Variants in NKAIN2 observed in about 807,000 individuals in gnomAD.
NKAIN2 encodes sodium/potassium-transporting ATPase subunit beta-1-interacting protein 2.
Under a neutral mutation model 32.6 loss-of-function variants are expected in NKAIN2, and 14 were observed. That is an observed-to-expected ratio of 0.43 (90% confidence interval 0.28 to 0.67). The LOEUF (loss-of-function observed/expected upper bound fraction) is 0.67, where lower values mean the gene tolerates loss of function less well. Ranked by LOEUF, NKAIN2 falls within the 30% of genes least tolerant of loss-of-function variation. The probability of loss-of-function intolerance (pLI) is 0.17; values close to 1 mark genes in which losing one functional copy is unlikely to be tolerated. For synonymous variants in NKAIN2, 80 were observed against 87.2 expected (o/e 0.92, Z 0.46); for missense variants, 198 against 258.3 (o/e 0.77, Z 1.60).
intron 5 of NKAIN2, among the ~76,000 whole-genome samples, chr6:124,805,576 G>T (rs1346739845): frequency 6.6e-6 from 1 of 152,182 alleles, no homozygotes; most frequent in Non-Finnish European, 1.5e-5. Context: ...ACTCTAAAAA[G>T]CAGAGCATCT....
At chr6:124,098,799 A>G (rs1490714149) in intron 1 of NKAIN2, among the ~76,000 whole-genome samples, 1 of 151,866 alleles carries the variant, frequency 6.6e-6, no homozygotes, top group African/African-American at 2.4e-5. Flanking sequence ...GAATCCAGGA[A>G]GTGGAGGTTG....
chr6:124,506,935 C>T (rs527360601), intron 3 of NKAIN2, among the ~76,000 whole-genome samples: 16 of 152,152 alleles, frequency 1.1e-4, no homozygotes, highest in South Asian at 6.2e-4. Flanking sequence ...GAATCTCAGG[C>T]CCTGTGGCAA....
At chr6:123,852,796 T>G (rs1775405058) in intron 1 of NKAIN2, among the ~76,000 whole-genome samples, 1 of 152,196 alleles carries the variant, frequency 6.6e-6, no homozygotes, top group African/African-American at 2.4e-5. Flanking sequence ...AATCAAATTC[T>G]TCTTATCCCT....
At chr6:123,970,898 A>G (rs976289383) in intron 1 of NKAIN2, among the ~76,000 whole-genome samples, 14 of 152,114 alleles carry the variant, frequency 9.2e-5, no homozygotes, top group African/African-American at 3.4e-4. Context: ...AAAAAGAAAA[A>G]AAGAAATATT....
At chr6:124,649,588 A>T (rs1784293890) in intron 3 of NKAIN2, among the ~76,000 whole-genome samples, 1 of 152,214 alleles carries the variant, frequency 6.6e-6, no homozygotes, top group African/African-American at 2.4e-5. Context: ...ATAGAAGCAG[A>T]GACACTAACT....
intron 4 of NKAIN2, among the ~76,000 whole-genome samples, chr6:124,712,724 A>G (rs1314735882): frequency 6.6e-6 from 1 of 151,592 alleles, no homozygotes; most frequent in Admixed American, 6.6e-5. Flanking sequence ...AGTGAGATGA[A>G]CCTGGTACCT....
chr6:123,832,762 T>C (rs768368166), intron 1 of NKAIN2, among the ~76,000 whole-genome samples: 40 of 152,356 alleles, frequency 2.6e-4, no homozygotes, highest in Non-Finnish European at 5.4e-4. Context: ...ATTTGACATC[T>C]GTATATTTTC....
chr6:124,056,685 C>T (rs1484529446), intron 1 of NKAIN2, among the ~76,000 whole-genome samples: 1 of 152,012 alleles, frequency 6.6e-6, no homozygotes, highest in Admixed American at 6.6e-5. Context: ...CAATGGTGCT[C>T]TCTGATATGG....
chr6:124,745,273 T>A (rs1159250426), intron 4 of NKAIN2, among the ~76,000 whole-genome samples: 1 of 151,854 alleles, frequency 6.6e-6, no homozygotes, highest in Non-Finnish European at 1.5e-5. Context: ...CAAAAAGGCT[T>A]TAAAAATGAA....
chr6:124,386,283 T>G (rs1772896159), intron 3 of NKAIN2, among the ~76,000 whole-genome samples: 6 of 152,124 alleles, frequency 3.9e-5, no homozygotes. Flanking sequence ...CTCAAAACAC[T>G]CTTATAATAA....
rs188578453 is a variant in NKAIN2 at position 124,522,873 on chromosome 6, G to T, written c.274-135313G>T. Among the ~76,000 whole-genome samples, 287 of 152,092 alleles carry T rather than the reference G, an allele frequency of 1.9e-3. 2 individuals carry two copies. Among genetic ancestry groups the T allele is most frequent in the African/African-American group, 6.8e-3 (282 of 41,518 alleles). On this transcript the variant is annotated intron_variant, in intron 3 of 6. Coordinates refer to ENST00000368417, the MANE Select transcript of NKAIN2 (RefSeq NM_001040214.3). The stretch of plus-strand genomic sequence containing the variant: ...AAAAAAAGATCTTTGGCCGGGCGCG[G>T]TGGCTCACGCCTGTAATCCCAGCAC...
intron 4 of NKAIN2, among the ~76,000 whole-genome samples, chr6:124,686,032 C>T (rs1041858539): frequency 2.1e-4 from 32 of 152,112 alleles, no homozygotes; most frequent in African/African-American, 2.7e-4. Flanking sequence ...TCCAAGCTCA[C>T]TGAGATTGTT....
At chr6:124,105,465 T>C (rs1180576676) in intron 1 of NKAIN2, among the ~76,000 whole-genome samples, 1 of 152,098 alleles carries the variant, frequency 6.6e-6, no homozygotes, top group Non-Finnish European at 1.5e-5. Context: ...TTCTCTGGCA[T>C]TGTGTCTGGG....
At chr6:124,722,263 A>C (rs1776059843) in intron 4 of NKAIN2, among the ~76,000 whole-genome samples, 1 of 152,222 alleles carries the variant, frequency 6.6e-6, no homozygotes, top group African/African-American at 2.4e-5. Context: ...ATTGTGAATA[A>C]TGCTTCTATG....
At chr6:124,014,549 A>T (rs1780480461) in intron 1 of NKAIN2, among the ~76,000 whole-genome samples, 1 of 152,054 alleles carries the variant, frequency 6.6e-6, no homozygotes, top group African/African-American at 2.4e-5. Context: ...TATTATAAAA[A>T]TATCTAAACT....
intron 3 of NKAIN2, among the ~76,000 whole-genome samples, chr6:124,522,263 T>C (rs1004893217): frequency 6.6e-6 from 1 of 152,242 alleles, no homozygotes; most frequent in Non-Finnish European, 1.5e-5. Flanking sequence ...ACTGCTTTCA[T>C]ATAATATAGA....
chr6:124,546,644 T>A (rs1413132453), intron 3 of NKAIN2, among the ~76,000 whole-genome samples: 2 of 152,116 alleles, frequency 1.3e-5, no homozygotes. Context: ...GTTGGGACAC[T>A]ACAAAGGTAC....
At chr6:124,728,696 A>G (rs867927342) in intron 4 of NKAIN2, among the ~76,000 whole-genome samples, 7 of 144,248 alleles carry the variant, frequency 4.9e-5, no homozygotes, top group Middle Eastern at 3.6e-3. Context: ...AAGGCAAGAA[A>G]TAACTAAAAT....
chr6:124,404,722 C>T (rs971757442), intron 3 of NKAIN2, among the ~76,000 whole-genome samples: 3 of 151,918 alleles, frequency 2.0e-5, no homozygotes, highest in Admixed American at 2.0e-4. Flanking sequence ...ACAAACTATG[C>T]ATATATGCAT....
Sources: allele counts gnomAD v4.1 joint callset (sites outside exome capture counted in the v4.1 genomes callset), GRCh38; gene constraint gnomAD v4.1.1; transcripts MANE v1.5; gene names NCBI Gene and HGNC (gene_info 2026-07-23, HGNC 2026-07-21).